Variants in PCDH19 observed in about 807,000 individuals in gnomAD.
PCDH19 encodes protocadherin-19.
Under a neutral mutation model 46.2 loss-of-function variants are expected in PCDH19, and 6 were observed. The observed-to-expected ratio is 0.13, with a 90% confidence interval of 0.07 to 0.26. PCDH19 has a LOEUF of 0.26. Among genes scored for constraint, PCDH19 ranks in the 10% least tolerant of loss-of-function variants. PCDH19 has a pLI of 1.00. For missense variants in PCDH19, 740 were observed against 972.3 expected (o/e 0.76, Z 3.18); for synonymous variants, 481 against 415.7 (o/e 1.16, Z -1.91).
chrX:100,322,472 C>T (rs1179106688), intron 5 of PCDH19, among the ~76,000 whole-genome samples: 1 of 110,950 alleles, frequency 9.0e-6, no homozygotes, highest in Non-Finnish European at 1.9e-5. Flanking sequence ...GTGACTATGG[C>T]CTTATAGTAT....
At chrX:100,387,197 T>C (rs1927741603) in intron 3 of PCDH19, among the ~76,000 whole-genome samples, 1 of 112,133 alleles carries the variant, frequency 8.9e-6, no homozygotes, top group South Asian at 3.7e-4. Context: ...TAAAGAGGTG[T>C]TCCAAAGGAT....
chrX:100,351,120 G>C (rs1254968603), intron 3 of PCDH19, among the ~76,000 whole-genome samples: 2 of 113,022 alleles, frequency 1.8e-5, no homozygotes, highest in Non-Finnish European at 3.7e-5. Context: ...TTATTCCAAA[G>C]ATATGGAAAT....
intron 5 of PCDH19, among the ~76,000 whole-genome samples, chrX:100,328,198 A>T (rs933049780): frequency 8.9e-6 from 1 of 112,186 alleles, no homozygotes; most frequent in African/African-American, 3.2e-5. Flanking sequence ...TATTTTAAAC[A>T]AATGAGAGAA....
At position 100,292,253 on chromosome X, in the gene PCDH19, C is replaced by G. The variant is rs1311039549; in HGVS notation, c.*4024G>C. The G allele has an allele frequency of 8.9e-6, 1 of 112,831 alleles. No individual in the cohort carries two copies. The highest frequency in any genetic ancestry group is 1.9e-5 in the Non-Finnish European group (1 of 53,330). 9.3% of individuals were successfully genotyped at this position (112,831 alleles called of 1,213,427 possible). On this transcript the variant is annotated 3_prime_UTR_variant, in exon 6 of 6. Transcript: ENST00000373034. ...TAGCTGGTTTGTTTGCTAAGGTTGA[C>G]AGCAACTTTCAGTTAGTAACAAGGT...
chrX:100,383,640 T>C (rs754076999), intron 3 of PCDH19, among the ~76,000 whole-genome samples: 41 of 112,285 alleles, frequency 3.7e-4, no homozygotes, highest in African/African-American at 1.3e-3. Flanking sequence ...AGACTAAATA[T>C]TATATACATG....
chrX:100,351,517 A>G (rs770661175), intron 3 of PCDH19, among the ~76,000 whole-genome samples: 2 of 112,626 alleles, frequency 1.8e-5, no homozygotes, highest in South Asian at 7.4e-4. Flanking sequence ...GGTGAAATCC[A>G]GAGAAAAGTC....
chrX:100,352,157 C>T lies in PCDH19; in HGVS notation c.2617-1453G>A, dbSNP rs145163253. Among the ~76,000 whole-genome samples the T allele has an allele frequency of 9.5e-4, 106 of 112,015 alleles. No individual in the cohort carries two copies. The East Asian group carries it at 0.012, about 13-fold the overall frequency. ...ATGTAAACTCAAGCAATTTTTAATGCTATTGGAAGCATGGGTTGGGGGATT... is the reference window on the plus strand; with the variant it reads ...ATGTAAACTCAAGCAATTTTTAATGTTATTGGAAGCATGGGTTGGGGGATT... On this transcript the variant is annotated intron_variant, in intron 3 of 5. Coordinates refer to ENST00000373034, the MANE Select transcript of PCDH19 (RefSeq NM_001184880.2).
In PCDH19 at chrX:100,409,633, C is replaced by G. The variant is rs900628262; in HGVS notation, c.-1036G>C. 7 of 188,659 alleles carry G rather than the reference C, an allele frequency of 3.7e-5. No homozygotes were observed. The highest frequency in any genetic ancestry group is 6.6e-5 in the Non-Finnish European group (7 of 105,561). The allele number at this position is 188,659 out of a possible 1,213,427, so 15.5% of individuals were successfully genotyped here. A position where few individuals can be genotyped will look rare whatever the true frequency, so the allele number is the denominator to read the frequency against. ...AAGGGGAGGCAACAACAGTACCGGCCAGGAGAGGCGGGGCCGCCGCCGTGG... is the reference window on the plus strand; with the variant it reads ...AAGGGGAGGCAACAACAGTACCGGCGAGGAGAGGCGGGGCCGCCGCCGTGG... On this transcript the variant is annotated 5_prime_UTR_variant, in exon 1 of 6. Transcript: ENST00000373034.
intron 3 of PCDH19, among the ~76,000 whole-genome samples, chrX:100,380,526 G>GA (rs1200912830): frequency 9.0e-6 from 1 of 111,386 alleles, no homozygotes; most frequent in Non-Finnish European, 1.9e-5. Flanking sequence ...ATAGATACTG[G>GA]AAAAAAATAG....
Position 100,409,714 on chromosome X carries a change from C to CA in PCDH19, c.-1118_-1117insT. ...GCTGGGGTGTCGCTCCAAGGTCCGC[C>CA]GCCGCCGCCGCCGCCGCCGCCGCCG... On this transcript the variant is annotated 5_prime_UTR_variant, in exon 1 of 6. Coordinates refer to ENST00000373034, the MANE Select transcript of PCDH19 (RefSeq NM_001184880.2). 4.4e-6 allele frequency: 1 copy of CA among 229,070 alleles called. No individual in the cohort carries two copies. The allele number at this position is 229,070 out of a possible 1,213,427, so 18.9% of individuals were successfully genotyped here. A position where few individuals can be genotyped will look rare whatever the true frequency, so the allele number is the denominator to read the frequency against.
chrX:100,389,905 T>C (rs1338297121), intron 3 of PCDH19, among the ~76,000 whole-genome samples: 1 of 111,922 alleles, frequency 8.9e-6, no homozygotes, highest in Non-Finnish European at 1.9e-5. Flanking sequence ...TCAAAATCAA[T>C]TGGATATTTA....
intron 5 of PCDH19, among the ~76,000 whole-genome samples, chrX:100,321,415 A>G (rs866442779): frequency 5.0e-4 from 56 of 111,937 alleles, no homozygotes; most frequent in Middle Eastern, 4.7e-3. Context: ...TGTTCACCGC[A>G]TCCATGCTAA....
chrX:100,366,239 A>T (rs1250746424), intron 3 of PCDH19, among the ~76,000 whole-genome samples: 2 of 111,941 alleles, frequency 1.8e-5, no homozygotes, highest in Admixed American at 1.9e-4. Flanking sequence ...AGTTTTGCCC[A>T]CTGGGGATTG....
At chrX:100,359,831 G>A (rs1289560643) in intron 3 of PCDH19, among the ~76,000 whole-genome samples, 1 of 110,073 alleles carries the variant, frequency 9.1e-6, no homozygotes, top group Admixed American at 9.7e-5. Flanking sequence ...GTGTGTGTCT[G>A]TGTAATCTCC....
At chrX:100,341,090 A>C (rs1427585261) in intron 5 of PCDH19, among the ~76,000 whole-genome samples, 1 of 112,224 alleles carries the variant, frequency 8.9e-6, no homozygotes, top group Non-Finnish European at 1.9e-5. Flanking sequence ...GCCCAAGTCC[A>C]TCTAAACATT....
intron 4 of PCDH19, among the ~76,000 whole-genome samples, chrX:100,348,847 G>T (rs1926488685): frequency 9.0e-6 from 1 of 110,863 alleles, no homozygotes; most frequent in African/African-American, 3.3e-5. Context: ...AAGATGCAAG[G>T]GTCCCTGGGA....
intron 3 of PCDH19, among the ~76,000 whole-genome samples, chrX:100,363,886 T>TGTGTGTGTGTGAGA (rs1207488480): frequency 0.043 from 4,206 of 97,879 alleles, 163 homozygotes; most frequent in African/African-American, 0.096. Flanking sequence ...TGTGTGTGTG[T>TGTGTGTGTGTGAGA]GAGAGAGAGG....
chrX:100,320,310 G>T (rs72615544), intron 5 of PCDH19, among the ~76,000 whole-genome samples: 4,821 of 111,802 alleles, frequency 0.043, 253 homozygotes, highest in East Asian at 0.25. Context: ...TTCATTTACA[G>T]ATGAAAAAAA....
chrX:100,297,515 T>C (rs1385737859), intron 5 of PCDH19, among the ~76,000 whole-genome samples: 1 of 111,980 alleles, frequency 8.9e-6, no homozygotes, highest in Non-Finnish European at 1.9e-5. Flanking sequence ...AGCCCTTCTA[T>C]CCAGCTGACC....
Sources: gnomAD v4.1 joint callset for allele counts (sites outside exome capture counted in the v4.1 genomes callset) on GRCh38, gnomAD v4.1.1 for gene constraint, MANE v1.5 for transcripts, NCBI Gene and HGNC (gene_info 2026-07-23, HGNC 2026-07-21) for gene names.